GRM1: variants seen among roughly 807,000 people sequenced by gnomAD.
GRM1 encodes the protein glutamate metabotropic receptor 1, also known as metabotropic glutamate receptor 1.
Under a neutral mutation model 90.9 loss-of-function variants are expected in GRM1, and 33 were observed. That is an observed-to-expected ratio of 0.36 (90% CI 0.28 to 0.49). The LOEUF is 0.49. Ranked by LOEUF, GRM1 falls within the 20% of genes least tolerant of loss-of-function variation. The pLI is 0.99. For synonymous variants in GRM1, 700 were observed against 613.2 expected (o/e 1.14, Z -2.09); for missense variants, 1,190 against 1,534.3 (o/e 0.78, Z 3.75).
chr6:146,053,697 G>C (rs984458452), intron 1 of GRM1, among the ~76,000 whole-genome samples: 1 of 151,980 alleles, frequency 6.6e-6, no homozygotes, highest in Non-Finnish European at 1.5e-5. Context: ...ATCCCCAAAT[G>C]CATGCAATTA....
At chr6:146,319,918 A>C (rs1784111201) in intron 3 of GRM1, among the ~76,000 whole-genome samples, 1 of 152,180 alleles carries the variant, frequency 6.6e-6, no homozygotes, top group East Asian at 1.9e-4. Flanking sequence ...AAACAGAGAC[A>C]ATTTGACTTC....
At chr6:146,196,651 G>A (rs1404987302) in intron 2 of GRM1, among the ~76,000 whole-genome samples, 1 of 151,800 alleles carries the variant, frequency 6.6e-6, no homozygotes, top group Non-Finnish European at 1.5e-5. Context: ...ACCCATATTA[G>A]TGCCACCTGG....
In GRM1 at chr6:146,159,639, TCTCACA is replaced by T. The variant is rs776250487; in HGVS notation, c.950+44_950+49del. 6.2e-4 allele frequency: 700 copies of T among 1,126,908 alleles called. 8 individuals carry two copies. In the African/African-American group the frequency reaches 0.011, roughly 18 times the overall value. 69.8% of individuals were successfully genotyped at this position (1,126,908 alleles called of 1,614,324 possible). A position where few individuals can be genotyped will look rare whatever the true frequency, so the allele number is the denominator to read the frequency against. ...CTCTCTCTCTCTCTCTCTCTCTCTC[TCTCACA>T]CACACACATGCACACACACACTTTG... On this transcript the variant is annotated intron_variant, in intron 2 of 7. Transcript: ENST00000282753.
At chr6:146,305,349 G>C (rs560034453) in intron 3 of GRM1, among the ~76,000 whole-genome samples, 1 of 152,242 alleles carries the variant, frequency 6.6e-6, no homozygotes, top group Non-Finnish European at 1.5e-5. Context: ...ATGGTTCACA[G>C]CTGGACAGAT....
At chr6:146,397,484 GAAAAAAAAAAA>G (rs577471775) in intron 6 of GRM1, among the ~76,000 whole-genome samples, 32 of 45,044 alleles carry the variant, frequency 7.1e-4, no homozygotes, top group Non-Finnish European at 1.1e-3. Context: ...AAAAAAAAAA[GAAAAAAAAAAA>G]AAAAAAAAAA....
At chr6:146,225,449 T>C (rs1046351292) in intron 2 of GRM1, among the ~76,000 whole-genome samples, 3 of 152,124 alleles carry the variant, frequency 2.0e-5, no homozygotes, top group Non-Finnish European at 4.4e-5. Flanking sequence ...ACTCCTGATA[T>C]GAAGGAAAGA....
At chr6:146,271,062 T>C (rs1782142180) in intron 2 of GRM1, among the ~76,000 whole-genome samples, 1 of 151,116 alleles carries the variant, frequency 6.6e-6, no homozygotes, top group Non-Finnish European at 1.5e-5. Context: ...TGGAGTTCAG[T>C]GGCATGATCT....
At chr6:146,251,570 C>T (rs774662854) in intron 2 of GRM1, among the ~76,000 whole-genome samples, 1 of 152,152 alleles carries the variant, frequency 6.6e-6, no homozygotes, top group East Asian at 1.9e-4. Context: ...TACCTTAGGC[C>T]AAAAGCAGCA....
At chr6:146,345,106 C>T (rs1785132111) in intron 3 of GRM1, among the ~76,000 whole-genome samples, 1 of 152,128 alleles carries the variant, frequency 6.6e-6, no homozygotes, top group Admixed American at 6.5e-5. Context: ...CCACCAAGCC[C>T]AGCCAAAATC....
intron 7 of GRM1, among the ~76,000 whole-genome samples, chr6:146,420,591 T>C (rs987336007): frequency 1.3e-5 from 2 of 152,174 alleles, no homozygotes; most frequent in Non-Finnish European, 2.9e-5. Context: ...CAGTGTCTCA[T>C]CTGATATAAA....
chr6:146,237,464 A>AATAGTTATTTGTAAAATATTTTTACAG, intron 2 of GRM1, among the ~76,000 whole-genome samples: 1 of 145,984 alleles, frequency 6.9e-6, no homozygotes, highest in Non-Finnish European at 1.5e-5. Flanking sequence ...TATTTTTACA[A>AATAGTTATTTGTAAAATATTTTTACAG]ATAGTTATTT....
chr6:146,034,957 A>C (rs1422221750), intron 1 of GRM1, among the ~76,000 whole-genome samples: 2 of 151,974 alleles, frequency 1.3e-5, no homozygotes, highest in East Asian at 1.9e-4. Flanking sequence ...AATACATGTA[A>C]AGTAAGTAAA....
intron 2 of GRM1, among the ~76,000 whole-genome samples, chr6:146,258,251 T>TG (rs1048040266): frequency 2.6e-5 from 4 of 152,152 alleles, no homozygotes; most frequent in Admixed American, 1.3e-4. Flanking sequence ...AAAAATGCTT[T>TG]GGGGTGCACG....
intron 2 of GRM1, among the ~76,000 whole-genome samples, chr6:146,214,823 G>T (rs1311674312): frequency 6.6e-6 from 1 of 152,172 alleles, no homozygotes; most frequent in Non-Finnish European, 1.5e-5. Flanking sequence ...ATGAAGTTCA[G>T]TGAGGAATGG....
At chr6:146,091,901 C>T (rs1776727599) in intron 1 of GRM1, among the ~76,000 whole-genome samples, 1 of 152,036 alleles carries the variant, frequency 6.6e-6, no homozygotes, top group African/African-American at 2.4e-5. Context: ...AAAAGTCAAG[C>T]TCAAGAAACA....
chr6:146,101,094 T>TA (rs959847152), intron 1 of GRM1, among the ~76,000 whole-genome samples: 7 of 151,630 alleles, frequency 4.6e-5, no homozygotes, highest in Non-Finnish European at 7.4e-5. Flanking sequence ...ACCTATCTCA[T>TA]AAAAAAAAAT....
At chr6:146,057,873 A>T (rs6914114) in intron 1 of GRM1, among the ~76,000 whole-genome samples, 7 of 151,782 alleles carry the variant, frequency 4.6e-5, no homozygotes, top group Non-Finnish European at 1.0e-4. Context: ...TTTTTAAGAA[A>T]TTTTTTATTT....
At chr6:146,343,961 T>A (rs950585330) in intron 3 of GRM1, among the ~76,000 whole-genome samples, 1 of 152,086 alleles carries the variant, frequency 6.6e-6, no homozygotes, top group Non-Finnish European at 1.5e-5. Flanking sequence ...GCTATTGGAG[T>A]GTTGTTGATT....
intron 1 of GRM1, among the ~76,000 whole-genome samples, chr6:146,148,321 G>A (rs183488527): frequency 1.1e-4 from 16 of 151,806 alleles, no homozygotes; most frequent in Admixed American, 2.6e-4. Context: ...TAATTCTATC[G>A]TCTAAATAAA....
Sources: gnomAD v4.1 joint callset for allele counts (sites outside exome capture counted in the v4.1 genomes callset) on GRCh38, gnomAD v4.1.1 for gene constraint, MANE v1.5 for transcripts, NCBI Gene and HGNC (gene_info 2026-07-23, HGNC 2026-07-21) for gene names.